The following SEM1 variants were observed in gnomAD, a reference collection of about 807,000 sequenced individuals.
SEM1 encodes SEM1 26S proteasome subunit.
SEM1 carries 3 observed loss-of-function variants against 12.7 expected under a neutral mutation model. The ratio of observed to expected loss-of-function variants is 0.24; its 90% CI spans 0.11 to 0.61. SEM1 has a LOEUF of 0.61. SEM1 is among the 20% of genes least tolerant of loss of function. The pLI is 0.88. For missense variants in SEM1, 59 were observed against 81.3 expected (o/e 0.73, Z 1.06); for synonymous variants, 30 against 27.8 (o/e 1.08, Z -0.25).
At chr7:96,543,622 T>A (rs1016803565) in intron 2 of SEM1, among the ~76,000 whole-genome samples, 1 of 152,010 alleles carries the variant, frequency 6.6e-6, no homozygotes, top group Admixed American at 6.6e-5. Context: ...TTTTTCTAAA[T>A]ATAGTAGTTT....
At chr7:96,568,210 G>T (rs1306079900) in intron 2 of SEM1, among the ~76,000 whole-genome samples, 1 of 149,854 alleles carries the variant, frequency 6.7e-6, no homozygotes, top group African/African-American at 2.5e-5. Flanking sequence ...GTCACTTTTG[G>T]TGATTTAAGT....
At chr7:96,498,591 C>A (rs911997879), upstream of SEM1, among the ~76,000 whole-genome samples, 2 of 152,070 alleles carry the variant, frequency 1.3e-5, no homozygotes, top group African/African-American at 4.8e-5. Flanking sequence ...TTGTTCAGAG[C>A]TTTTTTCTTG....
intron 2 of SEM1, among the ~76,000 whole-genome samples, chr7:96,630,279 G>A (rs994970216): frequency 9.2e-5 from 14 of 152,118 alleles, no homozygotes; most frequent in Non-Finnish European, 1.5e-4. Flanking sequence ...AGAACTAAAA[G>A]CAAAAACCTT....
chr7:96,510,326 A>G (rs1803898115), intron 2 of SEM1, among the ~76,000 whole-genome samples: 1 of 152,184 alleles, frequency 6.6e-6, no homozygotes, highest in Admixed American at 6.6e-5. Context: ...ACACAAACCT[A>G]GATGGAATAA....
chr7:96,692,484 G>A (rs557346207), intron 2 of SEM1, among the ~76,000 whole-genome samples: 22 of 152,192 alleles, frequency 1.4e-4, no homozygotes, highest in Non-Finnish European at 2.5e-4. Flanking sequence ...ATGCCAAGGC[G>A]GAACAAAAGG....
At chr7:96,621,764 A>G (rs1345985644), downstream of SEM1, 1 of 152,370 alleles carries the variant, frequency 6.6e-6, no homozygotes, top group Non-Finnish European at 1.5e-5. Flanking sequence ...CCTCTAATTA[A>G]GAGTACAATA....
intron 2 of SEM1, among the ~76,000 whole-genome samples, chr7:96,678,288 G>A (rs1276394013): frequency 6.6e-6 from 1 of 152,122 alleles, no homozygotes; most frequent in East Asian, 1.9e-4. Context: ...GTAAAATGAA[G>A]TGGTAGAGGT....
At chr7:96,698,418 T>C (rs4729276) in intron 1 of SEM1, among the ~76,000 whole-genome samples, 30,492 of 143,878 alleles carry the variant, frequency 0.21, 3,088 homozygotes, top group South Asian at 0.25. Flanking sequence ...TCCCCTTGCT[T>C]CCCACCCCGA....
chr7:96,699,001 A>T (rs915974260), intron 1 of SEM1, among the ~76,000 whole-genome samples: 1 of 152,122 alleles, frequency 6.6e-6, no homozygotes, highest in African/African-American at 2.4e-5. Flanking sequence ...TTAATTCCAT[A>T]AAATTTACAA....
chr7:96,549,639 AC>A (rs1163840034), intron 2 of SEM1, among the ~76,000 whole-genome samples: 1 of 152,222 alleles, frequency 6.6e-6, no homozygotes, highest in Non-Finnish European at 1.5e-5. Flanking sequence ...TTGGAGGTAC[AC>A]TGCTCTAGGA....
exon 3 of SEM1, chr7:96,673,504 T>C (rs1431122110): frequency 2.2e-6 from 1 of 450,218 alleles, no homozygotes; most frequent in Non-Finnish European, 4.0e-6. Context: ...CCCTGTTATG[T>C]AGCTACAGGA....
chr7:96,491,262 G>C (rs556433281), intron 1 of SEM1, among the ~76,000 whole-genome samples: 1 of 152,264 alleles, frequency 6.6e-6, no homozygotes, highest in African/African-American at 2.4e-5. Context: ...AAATATCTAA[G>C]TGTTTTTATA....
intron 2 of SEM1, among the ~76,000 whole-genome samples, chr7:96,568,598 T>A (rs550489837): frequency 1.3e-5 from 2 of 151,926 alleles, no homozygotes; most frequent in African/African-American, 4.8e-5. Context: ...GAAATTTGAT[T>A]TTTCCTCTGA....
chr7:96,580,649 A>G (rs1330500988), intron 2 of SEM1, among the ~76,000 whole-genome samples: 1 of 151,608 alleles, frequency 6.6e-6, no homozygotes, highest in African/African-American at 2.4e-5. Flanking sequence ...CTGACTTTTT[A>G]ATGATTGCCA....
intron 2 of SEM1, among the ~76,000 whole-genome samples, chr7:96,608,654 A>G (rs1807454773): frequency 1.3e-5 from 2 of 152,276 alleles, no homozygotes; most frequent in South Asian, 4.1e-4. Context: ...TGGACATATT[A>G]CATAAATAGA....
intron 2 of SEM1, among the ~76,000 whole-genome samples, chr7:96,565,530 A>G (rs766748806): frequency 1.3e-5 from 2 of 151,906 alleles, no homozygotes; most frequent in Non-Finnish European, 2.9e-5. Flanking sequence ...GGTGTTTTTT[A>G]TGTTCCAGAG....
chr7:96,667,383 T>C (rs1420894430), intron 2 of SEM1, among the ~76,000 whole-genome samples: 1 of 152,198 alleles, frequency 6.6e-6, no homozygotes, highest in Non-Finnish European at 1.5e-5. Flanking sequence ...GCTGCCCTTG[T>C]CTCAGTTTTT....
intron 2 of SEM1, among the ~76,000 whole-genome samples, chr7:96,666,999 G>T (rs1584848670): frequency 6.6e-6 from 1 of 152,122 alleles, no homozygotes; most frequent in Admixed American, 6.5e-5. Context: ...TGATGTTAAT[G>T]CATTGATTTG....
intron 2 of SEM1, among the ~76,000 whole-genome samples, chr7:96,539,609 T>C (rs1224488292): frequency 6.6e-6 from 1 of 151,722 alleles, no homozygotes; most frequent in African/African-American, 2.4e-5. Flanking sequence ...AGTTATCGCA[T>C]TGAAAAAAAG....
Sources: allele counts gnomAD v4.1 joint callset (sites outside exome capture counted in the v4.1 genomes callset), GRCh38; gene constraint gnomAD v4.1.1; transcripts MANE v1.5; gene names NCBI Gene and HGNC (gene_info 2026-07-23, HGNC 2026-07-21).